Variants in SAMMSON observed in about 807,000 individuals in gnomAD.
SAMMSON encodes the protein long intergenic non-protein coding RNA 1212.
At chr3:70,397,128 C>A (rs1021731979) in intron 2 of SAMMSON, among the ~76,000 whole-genome samples, 1 of 152,034 alleles carries the variant, frequency 6.6e-6, no homozygotes, top group African/African-American at 2.4e-5. Context: ...AGCAATCACC[C>A]CAAGTTCTAT....
intron 6 of SAMMSON, among the ~76,000 whole-genome samples, chr3:70,262,245 C>T (rs146742994): frequency 4.6e-5 from 7 of 152,210 alleles, no homozygotes; most frequent in East Asian, 1.9e-4. Context: ...ATACCAATAA[C>T]GTGAGACTGA....
chr3:70,401,423 G>A (rs1701141222), intron 2 of SAMMSON, among the ~76,000 whole-genome samples: 1 of 152,066 alleles, frequency 6.6e-6, no homozygotes, highest in Non-Finnish European at 1.5e-5. Context: ...TAGCATTTAA[G>A]GTTAAAGTCA....
chr3:70,312,545 ACTC>A (rs889916395), intron 7 of SAMMSON: 11 of 152,236 alleles, frequency 7.2e-5, no homozygotes, highest in African/African-American at 2.7e-4. Context: ...ACTGCAAGGT[ACTC>A]ACCTGTGTGT....
intron 4 of SAMMSON, among the ~76,000 whole-genome samples, chr3:70,109,354 C>G (rs1164176476): frequency 6.6e-6 from 1 of 152,116 alleles, no homozygotes; most frequent in Non-Finnish European, 1.5e-5. Flanking sequence ...CCCTAAGCCC[C>G]CAATTGTGTG....
intron 3 of SAMMSON, among the ~76,000 whole-genome samples, chr3:70,021,533 G>A (rs563041240): frequency 7.2e-5 from 11 of 152,204 alleles, no homozygotes; most frequent in African/African-American, 2.2e-4. Context: ...AATGCCAAAT[G>A]TATTTCTACT....
chr3:70,222,749 A>G (rs1397314729), intron 4 of SAMMSON, among the ~76,000 whole-genome samples: 1 of 152,168 alleles, frequency 6.6e-6, no homozygotes, highest in African/African-American at 2.4e-5. Flanking sequence ...AAACTGGTAT[A>G]AATATACAGG....
intron 6 of SAMMSON, among the ~76,000 whole-genome samples, chr3:70,275,981 T>C (rs532883667): frequency 1.5e-3 from 223 of 152,266 alleles, no homozygotes; most frequent in Admixed American, 2.0e-3. Flanking sequence ...GAATTACCCA[T>C]GATTTTATTC....
At chr3:70,392,629 C>G (rs1333135038), downstream of SAMMSON, among the ~76,000 whole-genome samples, 2 of 152,164 alleles carry the variant, frequency 1.3e-5, no homozygotes, top group African/African-American at 2.4e-5. Flanking sequence ...AATGGGGGCT[C>G]TAGCATCAGT....
intron 4 of SAMMSON, among the ~76,000 whole-genome samples, chr3:70,093,117 A>C (rs144121853): frequency 2.0e-5 from 3 of 152,142 alleles, no homozygotes; most frequent in Non-Finnish European, 4.4e-5. Context: ...TTCCACAACA[A>C]TGTGAGCTTC....
At chr3:70,349,423 T>C (rs1559569720) in intron 7 of SAMMSON, among the ~76,000 whole-genome samples, 1 of 151,932 alleles carries the variant, frequency 6.6e-6, no homozygotes, top group Non-Finnish European at 1.5e-5. Flanking sequence ...GTGGGGAGCA[T>C]TTGCCAGAGC....
chr3:70,268,459 AG>A (rs2106668975), intron 6 of SAMMSON, among the ~76,000 whole-genome samples: 1 of 131,712 alleles, frequency 7.6e-6, no homozygotes, highest in South Asian at 2.6e-4. Flanking sequence ...TGGGCAACAG[AG>A]CGAGACTCCG....
At chr3:70,351,101 A>C (rs1467225718) in intron 7 of SAMMSON, among the ~76,000 whole-genome samples, 1 of 152,162 alleles carries the variant, frequency 6.6e-6, no homozygotes, top group Admixed American at 6.5e-5. Flanking sequence ...CACCTTATAA[A>C]ATCATATCAT....
At chr3:70,309,647 A>G (rs1284186352) in intron 7 of SAMMSON, among the ~76,000 whole-genome samples, 1 of 152,160 alleles carries the variant, frequency 6.6e-6, no homozygotes, top group Non-Finnish European at 1.5e-5. Context: ...GACTTTTTTA[A>G]ATATATGCCA....
intron 6 of SAMMSON, among the ~76,000 whole-genome samples, chr3:70,288,195 TA>T: frequency 7.1e-6 from 1 of 141,400 alleles, no homozygotes; most frequent in Non-Finnish European, 1.5e-5. Context: ...TGTGGGCATT[TA>T]GTGCTATAAA....
chr3:70,402,802 C>T (rs1334606304), intron 2 of SAMMSON, among the ~76,000 whole-genome samples: 1 of 152,022 alleles, frequency 6.6e-6, no homozygotes, highest in Non-Finnish European at 1.5e-5. Context: ...GCGGAGGTTG[C>T]AATGAGCCGA....
At chr3:70,075,524 C>T (rs1227364836) in intron 4 of SAMMSON, 1 of 152,108 alleles carries the variant, frequency 6.6e-6, no homozygotes, top group Non-Finnish European at 1.5e-5. Context: ...ACTTTAAGTG[C>T]CACTTATTTG....
At chr3:70,224,827 C>T (rs1264120990) in intron 4 of SAMMSON, among the ~76,000 whole-genome samples, 1 of 151,974 alleles carries the variant, frequency 6.6e-6, no homozygotes, top group Non-Finnish European at 1.5e-5. Context: ...TGCAGTTTCC[C>T]CCCCCACACC....
At chr3:70,036,916 A>G (rs2067087523) in intron 3 of SAMMSON, among the ~76,000 whole-genome samples, 1 of 152,138 alleles carries the variant, frequency 6.6e-6, no homozygotes, top group Admixed American at 6.6e-5. Flanking sequence ...TTACTATGCA[A>G]GAGTAAAAGA....
At chr3:70,409,183 A>T (rs1255658923) in intron 2 of SAMMSON, among the ~76,000 whole-genome samples, 1 of 152,174 alleles carries the variant, frequency 6.6e-6, no homozygotes. Flanking sequence ...CCATCATACA[A>T]TTGAGAAATT....
Sources: allele counts gnomAD v4.1 joint callset (sites outside exome capture counted in the v4.1 genomes callset), GRCh38; gene constraint gnomAD v4.1.1; transcripts MANE v1.5; gene names NCBI Gene and HGNC (gene_info 2026-07-23, HGNC 2026-07-21).